MOB3B: variants seen among roughly 807,000 people sequenced by gnomAD.
MOB3B encodes the protein MOB kinase activator 3B, also known as MOB kinase activator-like 2B.
MOB3B carries 7 observed loss-of-function variants against 18.7 expected under a neutral mutation model. That is an observed-to-expected ratio of 0.37 (90% CI 0.21 to 0.70). The LOEUF (loss-of-function observed/expected upper bound fraction) is 0.70. Among genes scored for constraint, MOB3B ranks in the 30% least tolerant of loss-of-function variants. MOB3B has a pLI of 0.52. For missense variants in MOB3B, 253 were observed against 281.3 expected, an observed-to-expected ratio of 0.90 and a Z score of 0.72; for synonymous variants, 111 against 99.9, an observed-to-expected ratio of 1.11 and a Z score of -0.66.
chr9:27,382,050 C>A (rs958340225), intron 2 of MOB3B, among the ~76,000 whole-genome samples: 8 of 152,052 alleles, frequency 5.3e-5, no homozygotes, highest in African/African-American at 1.9e-4. Flanking sequence ...TTCTGACATC[C>A]CCTCAGTCTG....
intron 2 of MOB3B, among the ~76,000 whole-genome samples, chr9:27,400,050 T>A (rs1036242226): frequency 1.3e-5 from 2 of 152,188 alleles, no homozygotes; most frequent in African/African-American, 4.8e-5. Flanking sequence ...TACAGCTGCC[T>A]CCTGCCTGTC....
chr9:27,391,820 GA>G (rs1219765493), intron 2 of MOB3B: 4 of 152,316 alleles, frequency 2.6e-5, no homozygotes, highest in African/African-American at 9.6e-5. Flanking sequence ...TTTCTTCGAA[GA>G]GATTAATTTT....
intron 3 of MOB3B, 79 bp from the exon 4 acceptor site, chr9:27,330,695 C>G: frequency 6.3e-7 from 1 of 1,589,832 alleles, no homozygotes; most frequent in Non-Finnish European, 8.6e-7. Context: ...TGAAAATGCT[C>G]TTGGAATCTC....
chr9:27,383,423 G>A (rs1166354603), intron 2 of MOB3B, among the ~76,000 whole-genome samples: 1 of 152,196 alleles, frequency 6.6e-6, no homozygotes, highest in East Asian at 1.9e-4. Flanking sequence ...AATAACTTAT[G>A]TGGGTAGGAA....
At chr9:27,433,698 G>A (rs966880115) in intron 2 of MOB3B, among the ~76,000 whole-genome samples, 8 of 152,136 alleles carry the variant, frequency 5.3e-5, no homozygotes, top group African/African-American at 1.9e-4. Context: ...GAATTCCTGT[G>A]ATTTATAGAT....
At chr9:27,402,813 A>G (rs1587184899) in intron 2 of MOB3B, among the ~76,000 whole-genome samples, 1 of 152,350 alleles carries the variant, frequency 6.6e-6, no homozygotes, top group East Asian at 1.9e-4. Flanking sequence ...CTGCCAAGCC[A>G]GGAAAATTTA....
intron 2 of MOB3B, among the ~76,000 whole-genome samples, chr9:27,383,831 C>A (rs1821613604): frequency 6.6e-6 from 1 of 152,138 alleles, no homozygotes; most frequent in South Asian, 2.1e-4. Context: ...TTGCAATTAC[C>A]TTACCTATGT....
chr9:27,426,495 G>C (rs181087729), intron 2 of MOB3B, among the ~76,000 whole-genome samples: 2 of 152,298 alleles, frequency 1.3e-5, no homozygotes, highest in African/African-American at 4.8e-5. Flanking sequence ...AGGTGACCAA[G>C]CTACTGTGAA....
intron 2 of MOB3B, among the ~76,000 whole-genome samples, chr9:27,396,408 C>T (rs1821799726): frequency 6.6e-6 from 1 of 152,178 alleles, no homozygotes; most frequent in Non-Finnish European, 1.5e-5. Flanking sequence ...CTATCCACCC[C>T]AATTCACACA....
intron 2 of MOB3B, among the ~76,000 whole-genome samples, chr9:27,442,371 C>A (rs957274000): frequency 1.3e-5 from 2 of 152,242 alleles, no homozygotes; most frequent in Admixed American, 6.5e-5. Context: ...TAGAACTTAT[C>A]CTTATCTGAC....
chr9:27,368,183 A>AAAAAC (rs910332118), intron 2 of MOB3B, among the ~76,000 whole-genome samples: 13 of 152,302 alleles, frequency 8.5e-5, no homozygotes, highest in South Asian at 2.1e-4. Flanking sequence ...ATCACAAGGC[A>AAAAAC]AAAACAAAAC....
chr9:27,443,244 C>T (rs1003273286), intron 2 of MOB3B, among the ~76,000 whole-genome samples: 31 of 152,174 alleles, frequency 2.0e-4, no homozygotes, highest in African/African-American at 7.5e-4. Context: ...AGTCTTCCCA[C>T]TGCATCTTGA....
At chr9:27,344,405 T>C (rs114177117) in intron 3 of MOB3B, among the ~76,000 whole-genome samples, 1 of 152,180 alleles carries the variant, frequency 6.6e-6, no homozygotes, top group Non-Finnish European at 1.5e-5. Context: ...TAATGCAAAA[T>C]GCCAAGTACC....
intron 3 of MOB3B, among the ~76,000 whole-genome samples, chr9:27,356,106 A>G (rs1185150389): frequency 2.0e-5 from 3 of 152,210 alleles, no homozygotes; most frequent in Admixed American, 2.0e-4. Context: ...AACATTCTTA[A>G]TATCTATTTC....
chr9:27,421,198 C>G (rs1309471022), intron 2 of MOB3B: 1 of 152,298 alleles, frequency 6.6e-6, no homozygotes, highest in Non-Finnish European at 1.5e-5. Context: ...TCAAGCGACT[C>G]TCCTGTCTCA....
At chr9:27,453,546 G>A (rs906487351) in intron 2 of MOB3B, among the ~76,000 whole-genome samples, 2 of 152,074 alleles carry the variant, frequency 1.3e-5, no homozygotes, top group African/African-American at 4.8e-5. Flanking sequence ...ATGATGTCCT[G>A]TTTTCCAGCC....
At chr9:27,356,382 T>G (rs1400534079) in intron 3 of MOB3B, among the ~76,000 whole-genome samples, 6 of 152,222 alleles carry the variant, frequency 3.9e-5, no homozygotes, top group Non-Finnish European at 8.8e-5. Flanking sequence ...AAGAGGCCCT[T>G]GTCTAGGATA....
intron 1 of MOB3B, among the ~76,000 whole-genome samples, chr9:27,481,529 T>G (rs1404396695): frequency 2.3e-5 from 3 of 128,748 alleles, no homozygotes; most frequent in Non-Finnish European, 3.5e-5. Flanking sequence ...TGTTTTTTTT[T>G]TTTTTTGAGA....
intron 3 of MOB3B, among the ~76,000 whole-genome samples, chr9:27,342,333 C>T (rs2076629540): frequency 6.6e-6 from 1 of 152,156 alleles, no homozygotes; most frequent in Admixed American, 6.5e-5. Context: ...AGTCTTCTGT[C>T]TTGGGAGAAC....
Sources: gnomAD v4.1 joint callset for allele counts (sites outside exome capture counted in the v4.1 genomes callset) on GRCh38, gnomAD v4.1.1 for gene constraint, MANE v1.5 for transcripts, NCBI Gene and HGNC (gene_info 2026-07-23, HGNC 2026-07-21) for gene names.